Variants in UBE2R2 observed in about 807,000 individuals in gnomAD.
UBE2R2 encodes ubiquitin-conjugating enzyme E2 R2.
Under a neutral mutation model 27.8 loss-of-function variants are expected in UBE2R2, and 1 was observed. That is an observed-to-expected ratio of 0.04 (90% confidence interval 0.01 to 0.17). The LOEUF (loss-of-function observed/expected upper bound fraction) is 0.17. Ranked by LOEUF, UBE2R2 falls within the 10% of genes least tolerant of loss-of-function variation. UBE2R2 has a pLI of 1.00. For synonymous variants in UBE2R2, 106 were observed against 113.3 expected, an observed-to-expected ratio of 0.94 and a Z score of 0.41; for missense variants, 100 against 291.0, an observed-to-expected ratio of 0.34 and a Z score of 4.78.
At chr9:33,860,936 G>A (rs1461848227) in intron 1 of UBE2R2, among the ~76,000 whole-genome samples, 1 of 109,776 alleles carries the variant, frequency 9.1e-6, no homozygotes, top group Non-Finnish European at 1.8e-5. Flanking sequence ...CCTGTGTTAA[G>A]TTTTTTTTTG....
chr9:33,830,722 C>T (rs58529028), intron 1 of UBE2R2, among the ~76,000 whole-genome samples: 1,712 of 150,208 alleles, frequency 0.011, 31 homozygotes, highest in African/African-American at 0.039. Flanking sequence ...GAGCCAAGAT[C>T]GGCCACTGCA....
chr9:33,884,300 T>G (rs1435037139), intron 1 of UBE2R2, among the ~76,000 whole-genome samples: 52 of 147,288 alleles, frequency 3.5e-4, no homozygotes, highest in African/African-American at 1.0e-3. Context: ...TTTTTTTTTT[T>G]TTGAGACAGG....
chr9:33,854,475 A>G (rs561905117), intron 1 of UBE2R2, among the ~76,000 whole-genome samples: 2 of 152,036 alleles, frequency 1.3e-5, no homozygotes, highest in African/African-American at 4.8e-5. Flanking sequence ...GCCCGCCACC[A>G]TGCCCGGCTA....
chr9:33,874,587 TTATC>T (rs1459229909), intron 1 of UBE2R2, among the ~76,000 whole-genome samples: 1 of 152,044 alleles, frequency 6.6e-6, no homozygotes, highest in Admixed American at 6.6e-5. Context: ...TTATTATTAT[TTATC>T]CTACCCGCCC....
chr9:33,823,981 T>C (rs1475906078), intron 1 of UBE2R2, among the ~76,000 whole-genome samples: 1 of 152,182 alleles, frequency 6.6e-6, no homozygotes, highest in African/African-American at 2.4e-5. Context: ...GATGAAGTTG[T>C]CTTGAGTACT....
intron 1 of UBE2R2, among the ~76,000 whole-genome samples, chr9:33,829,586 A>C (rs1820398907): frequency 6.6e-6 from 1 of 152,168 alleles, no homozygotes; most frequent in South Asian, 2.1e-4. Flanking sequence ...GTACCTCTGA[A>C]AGTGAGAGAT....
intron 4 of UBE2R2, among the ~76,000 whole-genome samples, chr9:33,915,924 A>C (rs1238198693): frequency 3.3e-5 from 5 of 152,192 alleles, no homozygotes; most frequent in African/African-American, 9.6e-5. Context: ...GAGTGACAGG[A>C]AGGAGCCAGG....
At chr9:33,844,000 A>G (rs1035387952) in intron 1 of UBE2R2, among the ~76,000 whole-genome samples, 1 of 152,224 alleles carries the variant, frequency 6.6e-6, no homozygotes, top group Non-Finnish European at 1.5e-5. Context: ...TTAGTATTCT[A>G]TAATGATAGT....
intron 1 of UBE2R2, among the ~76,000 whole-genome samples, chr9:33,830,047 T>C (rs1820423402): frequency 6.6e-6 from 1 of 152,114 alleles, no homozygotes; most frequent in Non-Finnish European, 1.5e-5. Context: ...TCCGCCCTCC[T>C]CGGCCTCCCA....
At chr9:33,914,876 C>T (rs953707775) in intron 4 of UBE2R2, among the ~76,000 whole-genome samples, 1 of 151,658 alleles carries the variant, frequency 6.6e-6, no homozygotes, top group Admixed American at 6.6e-5. Flanking sequence ...GTGGCTCACG[C>T]CTGTAATCCC....
At chr9:33,857,800 T>A (rs1300202033) in intron 1 of UBE2R2, among the ~76,000 whole-genome samples, 2 of 152,234 alleles carry the variant, frequency 1.3e-5, no homozygotes, top group Non-Finnish European at 2.9e-5. Context: ...TGACAGATTG[T>A]TGAACGGCAT....
At chr9:33,868,778 T>C (rs1821419173) in intron 1 of UBE2R2, 1 of 152,098 alleles carries the variant, frequency 6.6e-6, no homozygotes. Flanking sequence ...GCAGAAAAAC[T>C]CAGCAGTGGG....
At chr9:33,862,256 G>A (rs1190683381) in intron 1 of UBE2R2, among the ~76,000 whole-genome samples, 1 of 151,980 alleles carries the variant, frequency 6.6e-6, no homozygotes, top group Non-Finnish European at 1.5e-5. Context: ...ATTCTCTTTT[G>A]CCTTTGCCAT....
At chr9:33,881,151 A>G (rs146827270) in intron 1 of UBE2R2, among the ~76,000 whole-genome samples, 69 of 152,292 alleles carry the variant, frequency 4.5e-4, no homozygotes, top group Middle Eastern at 3.4e-3. Context: ...TTCTTTGTGA[A>G]TTGATCCCCT....
At chr9:33,832,819 C>T (rs1450659022) in intron 1 of UBE2R2, among the ~76,000 whole-genome samples, 2 of 151,804 alleles carry the variant, frequency 1.3e-5, no homozygotes, top group East Asian at 1.9e-4. Flanking sequence ...ATAATTTATA[C>T]ATTAAAATTA....
intron 2 of UBE2R2, among the ~76,000 whole-genome samples, chr9:33,894,731 TAAAA>T (rs976470945): frequency 6.6e-6 from 1 of 152,258 alleles, no homozygotes; most frequent in Non-Finnish European, 1.5e-5. Flanking sequence ...TCCATCACTA[TAAAA>T]AAAATTTTAA....
At chr9:33,913,673 A>G (rs1458671344) in intron 4 of UBE2R2, among the ~76,000 whole-genome samples, 1 of 152,232 alleles carries the variant, frequency 6.6e-6, no homozygotes, top group African/African-American at 2.4e-5. Flanking sequence ...TACAAATAAG[A>G]ATAAAATCTA....
At chr9:33,853,288 CTTT>C (rs71506143) in intron 1 of UBE2R2, among the ~76,000 whole-genome samples, 1 of 115,358 alleles carries the variant, frequency 8.7e-6, no homozygotes. Flanking sequence ...TTTTCTCTCT[CTTT>C]TTTTTTTTTT....
intron 3 of UBE2R2, among the ~76,000 whole-genome samples, chr9:33,911,685 T>TA (rs1822495071): frequency 6.6e-6 from 1 of 152,180 alleles, no homozygotes; most frequent in Non-Finnish European, 1.5e-5. Context: ...GCATTACCCT[T>TA]ATACTAGAAT....
Sources: gnomAD v4.1 joint callset for allele counts (sites outside exome capture counted in the v4.1 genomes callset) on GRCh38, gnomAD v4.1.1 for gene constraint, MANE v1.5 for transcripts, NCBI Gene and HGNC (gene_info 2026-07-23, HGNC 2026-07-21) for gene names.